SCML2: variants seen among roughly 807,000 people sequenced by gnomAD.
SCML2 encodes Scm polycomb group protein like 2.
Under a neutral mutation model 48.4 loss-of-function variants are expected in SCML2, and 6 were observed. The observed-to-expected ratio is 0.12, with a 90% confidence interval of 0.07 to 0.24. The LOEUF is 0.24. Ranked by LOEUF, SCML2 falls within the 10% of genes least tolerant of loss-of-function variation. SCML2 has a pLI of 1.00. For synonymous variants in SCML2, 181 were observed against 189.5 expected (o/e 0.95, Z 0.37); for missense variants, 377 against 528.2 (o/e 0.71, Z 2.81).
chrX:18,338,716 C>G (rs1009385696), intron 1 of SCML2, among the ~76,000 whole-genome samples: 5 of 108,113 alleles, frequency 4.6e-5, no homozygotes, highest in Non-Finnish European at 9.6e-5. Flanking sequence ...GGTTGGAGAC[C>G]AGCCTGGGCA....
chrX:18,301,964 T>C (rs1928605654), intron 7 of SCML2, among the ~76,000 whole-genome samples: 1 of 111,238 alleles, frequency 9.0e-6, no homozygotes, highest in Non-Finnish European at 1.9e-5. Context: ...TGTTTGATGG[T>C]GGAAGCAAAA....
At chrX:18,321,392 A>G (rs912478801) in intron 5 of SCML2, among the ~76,000 whole-genome samples, 4 of 110,522 alleles carry the variant, frequency 3.6e-5, no homozygotes, top group Non-Finnish European at 5.7e-5. Context: ...TGCTTGCCTC[A>G]ATGCCAGAAT....
rs1305992413 is a variant in SCML2, at chrX:18,256,837, T to C, written c.1456+11A>G. 3 of 1,150,495 alleles carry C rather than the reference T, an allele frequency of 2.6e-6. No individual in the cohort carries two copies. The highest frequency in any genetic ancestry group is 3.5e-6 in the Non-Finnish European group (3 of 865,558). 94.8% of individuals were successfully genotyped at this position (1,150,495 alleles called of 1,213,427 possible). A position where few individuals can be genotyped will look rare whatever the true frequency, so the allele number is the denominator to read the frequency against. ...TGAAACAGAAGTGTAAGAGTTTACA[T>C]TTTCTCTCACCTGACTGATTTTTAT... On this transcript the variant is annotated intron_variant, in intron 11 of 14. Coordinates refer to ENST00000251900, the MANE Select transcript of SCML2 (RefSeq NM_006089.3).
At chrX:18,292,033 GA>G (rs2147510212) in intron 7 of SCML2, among the ~76,000 whole-genome samples, 1 of 111,600 alleles carries the variant, frequency 9.0e-6, no homozygotes, top group Non-Finnish European at 1.9e-5. Context: ...AGAAAAATGG[GA>G]AAAGGTGATT....
rs188304681 is a variant in SCML2, at chrX:18,259,107, T to C, written c.1070-860A>G. Among the ~76,000 whole-genome samples, 179 of 110,605 alleles carry C rather than the reference T, an allele frequency of 1.6e-3. 1 individual carries two copies. Among genetic ancestry groups the C allele is most frequent in the African/African-American group, 5.6e-3 (172 of 30,471 alleles). Reference sequence around the variant, plus strand: ...AGTGAAACCCCATCTCTACTAAAAATACAAAAATTATCTGGGTGTGGTGGC... The same window carrying C: ...AGTGAAACCCCATCTCTACTAAAAACACAAAAATTATCTGGGTGTGGTGGC... On this transcript the variant is annotated intron_variant, in intron 9 of 14. Transcript: ENST00000251900.
intron 6 of SCML2, among the ~76,000 whole-genome samples, chrX:18,309,970 G>T (rs1395028679): frequency 3.6e-5 from 4 of 111,525 alleles, no homozygotes; most frequent in Non-Finnish European, 5.6e-5. Flanking sequence ...CCATCAACAG[G>T]TGAATAAAGA....
intron 1 of SCML2, among the ~76,000 whole-genome samples, chrX:18,349,517 G>A (rs1412250155): frequency 1.8e-5 from 2 of 112,888 alleles, no homozygotes; most frequent in Non-Finnish European, 3.7e-5. Flanking sequence ...CAGGCTGGGC[G>A]TGGTGGCTCA....
rs1052320096 is a variant in SCML2, at chrX:18,239,324, G to A, written c.*1927C>T. The A allele has an allele frequency of 2.7e-5, 3 of 112,491 alleles. No homozygotes were observed. The highest frequency in any genetic ancestry group is 3.8e-5 in the Non-Finnish European group (2 of 53,322). The allele number at this position is 112,491 out of a possible 1,213,427, so 9.3% of individuals were successfully genotyped here. ...TCTGAGGCTTTGAATGAATCGTTGC[G>A]ATTAACTTTATTAATATTTTAAAAT... On this transcript the variant is annotated 3_prime_UTR_variant, in exon 15 of 15. Transcript: ENST00000251900.
intron 11 of SCML2, 70 bp from the exon 12 acceptor site, chrX:18,247,952 C>T (rs185963830): frequency 4.4e-6 from 3 of 676,665 alleles, no homozygotes; most frequent in Admixed American, 2.6e-5. Flanking sequence ...ATATCATCAG[C>T]ATGAAACACT....
chrX:18,323,426 G>A (rs1929382050), intron 5 of SCML2, among the ~76,000 whole-genome samples: 1 of 111,734 alleles, frequency 8.9e-6, no homozygotes, highest in Non-Finnish European at 1.9e-5. Flanking sequence ...GTTTGAAACT[G>A]GAACCTGAAT....
chrX:18,329,842 T>C (rs1042551549), intron 3 of SCML2, among the ~76,000 whole-genome samples: 28 of 111,644 alleles, frequency 2.5e-4, no homozygotes, highest in Middle Eastern at 4.6e-3. Flanking sequence ...TTTTGGGAGG[T>C]TGAGGCAAGT....
chrX:18,292,850 T>C (rs1928275817), intron 7 of SCML2, among the ~76,000 whole-genome samples: 1 of 111,717 alleles, frequency 9.0e-6, no homozygotes. Flanking sequence ...TGAGGGGACT[T>C]ACTTTTTTCA....
intron 6 of SCML2, among the ~76,000 whole-genome samples, chrX:18,313,274 GACCCGGGGGAGGT>G (rs779194001): frequency 5.4e-5 from 6 of 110,731 alleles, no homozygotes; most frequent in Non-Finnish European, 9.4e-5. Context: ...TTGTGGGAGG[GACCCGGGGGAGGT>G]AATTGAATCA....
chrX:18,247,280 T>G (rs925885556), intron 12 of SCML2, among the ~76,000 whole-genome samples: 7 of 111,732 alleles, frequency 6.3e-5, no homozygotes, highest in Admixed American at 4.8e-4. Context: ...TAATGGACAT[T>G]GTCCTACAGT....
chrX:18,335,580 C>A (rs776600566), intron 1 of SCML2, among the ~76,000 whole-genome samples: 4 of 111,771 alleles, frequency 3.6e-5, no homozygotes, highest in African/African-American at 1.3e-4. Context: ...GGGTCACACA[C>A]AGAAGATATA....
intron 8 of SCML2, among the ~76,000 whole-genome samples, chrX:18,260,519 G>T (rs1927024693): frequency 9.0e-6 from 1 of 110,908 alleles, no homozygotes; most frequent in South Asian, 3.8e-4. Flanking sequence ...AAATGGCTGG[G>T]ATTCCCTGTC....
intron 7 of SCML2, among the ~76,000 whole-genome samples, chrX:18,298,149 C>T (rs766703227): frequency 8.9e-6 from 1 of 111,932 alleles, no homozygotes; most frequent in Non-Finnish European, 1.9e-5. Flanking sequence ...ACATCCCATG[C>T]TTATGGATCA....
intron 1 of SCML2, among the ~76,000 whole-genome samples, chrX:18,335,502 TC>T: frequency 9.1e-6 from 1 of 110,486 alleles, no homozygotes; most frequent in Middle Eastern, 4.6e-3. Flanking sequence ...AGACCCTGCC[TC>T]AAAAAAATAA....
chrX:18,276,201 C>T (rs917943411), intron 7 of SCML2, among the ~76,000 whole-genome samples: 12 of 109,060 alleles, frequency 1.1e-4, no homozygotes, highest in Non-Finnish European at 1.7e-4. Context: ...GCATGAGGCA[C>T]GACAATTGGT....
Sources: allele counts gnomAD v4.1 joint callset (sites outside exome capture counted in the v4.1 genomes callset), GRCh38; gene constraint gnomAD v4.1.1; transcripts MANE v1.5; gene names NCBI Gene and HGNC (gene_info 2026-07-23, HGNC 2026-07-21).